Variants in RTL4 observed in about 807,000 individuals in gnomAD.
RTL4 encodes the protein retrotransposon Gag like 4.
Under a neutral mutation model 5.3 loss-of-function variants are expected in RTL4, and 4 were observed. The ratio of observed to expected loss-of-function variants is 0.75; its 90% CI spans 0.37 to 1.72. The LOEUF is 1.72. RTL4 is among the 40% of genes most tolerant of loss of function. The pLI is 0.04. For missense variants in RTL4, 260 were observed against 227.1 expected (o/e 1.14, Z -0.93); for synonymous variants, 98 against 87.3 (o/e 1.12, Z -0.68).
the RTL4 span, among the ~76,000 whole-genome samples, chrX:112,124,789 G>A: frequency 9.0e-6 from 1 of 110,809 alleles, no homozygotes; most frequent in African/African-American, 3.3e-5. Context: ...CACGTATCCT[G>A]GAACTTAAAG....
chrX:112,160,815 G>C, the RTL4 span, among the ~76,000 whole-genome samples: 1 of 110,085 alleles, frequency 9.1e-6, no homozygotes, highest in Admixed American at 9.7e-5. Flanking sequence ...GGGAGAGTGT[G>C]AGAGAGTTGA....
the RTL4 span, among the ~76,000 whole-genome samples, chrX:112,289,164 T>C: frequency 1.1e-4 from 12 of 111,895 alleles, no homozygotes; most frequent in African/African-American, 3.9e-4. Flanking sequence ...ACAGGCTGGA[T>C]TGGGAGGAAA....
At chrX:112,241,263 GCCACACTGTCTC>G in the RTL4 span, among the ~76,000 whole-genome samples, 1 of 111,440 alleles carries the variant, frequency 9.0e-6, no homozygotes, top group Non-Finnish European at 1.9e-5. Flanking sequence ...TTGAGGAATT[GCCACACTGTCTC>G]CCACAATGTT....
At chrX:112,305,308 C>T in the RTL4 span, among the ~76,000 whole-genome samples, 1 of 108,414 alleles carries the variant, frequency 9.2e-6, no homozygotes, top group African/African-American at 3.4e-5. Context: ...AGGCGTGCAC[C>T]ACCATACCTG....
the RTL4 span, among the ~76,000 whole-genome samples, chrX:112,243,115 G>A: frequency 9.0e-6 from 1 of 111,186 alleles, no homozygotes; most frequent in Admixed American, 9.5e-5. Context: ...GAGGCTTTTC[G>A]CATCGATGTT....
At chrX:112,299,133 A>G in the RTL4 span, among the ~76,000 whole-genome samples, 1 of 111,503 alleles carries the variant, frequency 9.0e-6, no homozygotes, top group East Asian at 2.8e-4. Flanking sequence ...TCCAACTGGG[A>G]CATTGTGGCG....
the RTL4 span, among the ~76,000 whole-genome samples, chrX:112,086,207 C>T: frequency 1.8e-5 from 2 of 112,070 alleles, no homozygotes; most frequent in Non-Finnish European, 3.8e-5. Flanking sequence ...TTAGCATAGT[C>T]CTACAACAAT....
chrX:112,083,333 G>A, the RTL4 span, among the ~76,000 whole-genome samples: 1 of 112,583 alleles, frequency 8.9e-6, no homozygotes, highest in African/African-American at 3.2e-5. Flanking sequence ...GTCAGCCTGG[G>A]CTCTGGGCCG....
chrX:112,148,877 A>G, the RTL4 span, among the ~76,000 whole-genome samples: 1 of 112,000 alleles, frequency 8.9e-6, no homozygotes, highest in East Asian at 2.8e-4. Flanking sequence ...TACCTGTGCC[A>G]GAAGCAGTCC....
chrX:112,457,366 T>C (rs1926862629), downstream of RTL4, among the ~76,000 whole-genome samples: 1 of 112,110 alleles, frequency 8.9e-6, no homozygotes, highest in African/African-American at 3.2e-5. Context: ...AGTTAACATA[T>C]TCCAGTTATG....
At chrX:112,188,778 TC>T in the RTL4 span, among the ~76,000 whole-genome samples, 4 of 109,935 alleles carry the variant, frequency 3.6e-5, no homozygotes, top group African/African-American at 9.9e-5. Context: ...TGCTCAACTA[TC>T]CCCCCCGCCT....
chrX:112,159,653 T>C, the RTL4 span, among the ~76,000 whole-genome samples: 1 of 111,770 alleles, frequency 8.9e-6, no homozygotes, highest in South Asian at 3.8e-4. Flanking sequence ...ACTTTATTCT[T>C]CTTTACACAA....
the RTL4 span, among the ~76,000 whole-genome samples, chrX:112,133,791 C>T: frequency 8.9e-6 from 1 of 112,084 alleles, no homozygotes; most frequent in African/African-American, 3.2e-5. Context: ...GTGATTATCC[C>T]AGTGCCTGCT....
chrX:112,191,615 C>T, the RTL4 span, among the ~76,000 whole-genome samples: 16 of 111,829 alleles, frequency 1.4e-4, no homozygotes, highest in East Asian at 1.1e-3. Context: ...TTTGTAAAGA[C>T]GAATTTCCTT....
the RTL4 span, among the ~76,000 whole-genome samples, chrX:112,182,955 A>G: frequency 8.9e-6 from 1 of 112,274 alleles, no homozygotes; most frequent in Admixed American, 9.4e-5. Flanking sequence ...CATCAGACTA[A>G]CAGCGGATCT....
the RTL4 span, among the ~76,000 whole-genome samples, chrX:112,328,599 C>G: frequency 9.0e-6 from 1 of 111,333 alleles, no homozygotes; most frequent in Non-Finnish European, 1.9e-5. Context: ...GACAGATCAA[C>G]AAGAGAGAAA....
chrX:112,339,266 T>C, the RTL4 span, among the ~76,000 whole-genome samples: 28 of 112,028 alleles, frequency 2.5e-4, no homozygotes, highest in African/African-American at 8.7e-4. Flanking sequence ...GGGATAACTA[T>C]GTAATTTGTT....
At chrX:112,402,400 TTGTGTGTGTG>T in the RTL4 span, among the ~76,000 whole-genome samples, 193 of 87,414 alleles carry the variant, frequency 2.2e-3, 1 homozygote, top group South Asian at 0.012. Context: ...GGAATTATTA[TTGTGTGTGTG>T]TGTGTGTGTG....
At chrX:112,296,344 G>T in the RTL4 span, among the ~76,000 whole-genome samples, 1 of 111,595 alleles carries the variant, frequency 9.0e-6, no homozygotes, top group East Asian at 2.8e-4. Flanking sequence ...TCTAACTGTG[G>T]TTCTATTCTA....
Sources: allele counts gnomAD v4.1 joint callset (sites outside exome capture counted in the v4.1 genomes callset), GRCh38; gene constraint gnomAD v4.1.1; transcripts MANE v1.5; gene names NCBI Gene and HGNC (gene_info 2026-07-23, HGNC 2026-07-21).